Variants in C6orf89 observed in about 807,000 individuals in gnomAD.
The protein encoded by C6orf89 is chromosome 6 open reading frame 89.
Under a neutral mutation model 40.7 loss-of-function variants are expected in C6orf89, and 29 were observed. The observed-to-expected ratio is 0.71, with a 90% CI of 0.53 to 0.97. The LOEUF (loss-of-function observed/expected upper bound fraction) is 0.97. Ranked by LOEUF, C6orf89 falls within the 50% of genes least tolerant of loss-of-function variation. The pLI is 0.00. For missense variants in C6orf89, 392 were observed against 429.1 expected (o/e 0.91, Z 0.76); for synonymous variants, 165 against 152.2 (o/e 1.08, Z -0.62).
At chr6:36,876,783 C>G (rs1031857444) in intron 1 of C6orf89, among the ~76,000 whole-genome samples, 13 of 151,254 alleles carry the variant, frequency 8.6e-5, no homozygotes, top group Non-Finnish European at 2.9e-5. Context: ...TTTCCCTGAG[C>G]TCTGGTTACT....
At chr6:36,901,161 TG>T (rs1242474294) in intron 3 of C6orf89, among the ~76,000 whole-genome samples, 2 of 151,512 alleles carry the variant, frequency 1.3e-5, no homozygotes, top group Admixed American at 1.3e-4. Flanking sequence ...CTTGTATTTT[TG>T]GTAGAGGTGG....
At chr6:36,903,837 C>G (rs1210220966) in intron 4 of C6orf89, among the ~76,000 whole-genome samples, 1 of 152,018 alleles carries the variant, frequency 6.6e-6, no homozygotes, top group Non-Finnish European at 1.5e-5. Context: ...AAGAATTCCA[C>G]CTCAGGAGTT....
At chr6:36,900,700 C>T (rs11751956) in intron 3 of C6orf89, among the ~76,000 whole-genome samples, 11,763 of 151,912 alleles carry the variant, frequency 0.077, 453 homozygotes, top group South Asian at 0.1. Context: ...GGGGTTTTTC[C>T]GTGTTGTCCA....
intron 7 of C6orf89, among the ~76,000 whole-genome samples, chr6:36,918,398 T>C (rs535439311): frequency 1.0e-3 from 155 of 152,352 alleles, no homozygotes; most frequent in Middle Eastern, 3.4e-3. Context: ...TCTGCCAATA[T>C]TAGTACCAGT....
intron 1 of C6orf89, among the ~76,000 whole-genome samples, chr6:36,894,035 A>AG (rs1457555965): frequency 6.6e-6 from 1 of 151,066 alleles, no homozygotes; most frequent in African/African-American, 2.5e-5. Flanking sequence ...AAAAAAAAAA[A>AG]AAAGGAAAAA....
chr6:36,886,041 G>T lies in C6orf89; in HGVS notation c.-120+13G>T. ...GCGAGCCCCGCATGTGAGTGACTGG[G>T]GCCCGAGGCTGGGTGGGGGGAGGCC... On this transcript the variant is annotated intron_variant, in intron 1 of 8. Transcript: ENST00000480824. 8.0e-7 allele frequency: 1 copy of T among 1,251,640 alleles called. No individual in the cohort carries two copies. The highest frequency in any genetic ancestry group is 1.0e-6 in the Non-Finnish European group (1 of 995,454). The allele number at this position is 1,251,640 out of a possible 1,614,324, so 77.5% of individuals were successfully genotyped here.
At chr6:36,903,734 G>T (rs1033992216) in intron 4 of C6orf89, among the ~76,000 whole-genome samples, 1 of 152,080 alleles carries the variant, frequency 6.6e-6, no homozygotes, top group Admixed American at 6.5e-5. Context: ...CTTGGATTGG[G>T]TCTCCATCGA....
intron 6 of C6orf89, among the ~76,000 whole-genome samples, chr6:36,915,847 A>C (rs913430976): frequency 3.9e-5 from 6 of 152,204 alleles, no homozygotes; most frequent in African/African-American, 1.4e-4. Context: ...TGCGGAAGAC[A>C]TGGTTCATTC....
At chr6:36,907,631 T>C (rs1393787246) in intron 4 of C6orf89, among the ~76,000 whole-genome samples, 2 of 152,152 alleles carry the variant, frequency 1.3e-5, no homozygotes, top group Non-Finnish European at 2.9e-5. Flanking sequence ...ATAAGCTTTA[T>C]TGAACTTTTA....
chr6:36,873,913 A>T (rs11758600), intron 1 of C6orf89, among the ~76,000 whole-genome samples: 29,539 of 152,158 alleles, frequency 0.19, 3,685 homozygotes, highest in East Asian at 0.34. Flanking sequence ...TATAGCAGCA[A>T]GACGTTATTA....
At chr6:36,889,259 T>A (rs1206175509) in intron 1 of C6orf89, among the ~76,000 whole-genome samples, 1 of 152,232 alleles carries the variant, frequency 6.6e-6, no homozygotes, top group East Asian at 1.9e-4. Context: ...TCCTTCGAAC[T>A]TGGCGTTTAG....
chr6:36,888,522 T>A (rs1276780264), intron 1 of C6orf89, among the ~76,000 whole-genome samples: 1 of 152,130 alleles, frequency 6.6e-6, no homozygotes, highest in East Asian at 1.9e-4. Flanking sequence ...TACTCCCAGC[T>A]ACTCCAGAGG....
intron 2 of C6orf89, among the ~76,000 whole-genome samples, chr6:36,880,320 C>T (rs1774771718): frequency 6.6e-6 from 1 of 152,194 alleles, no homozygotes; most frequent in South Asian, 2.1e-4. Flanking sequence ...TGGCCCTGTT[C>T]CTCCAAGGAC....
intron 7 of C6orf89, 105 bp downstream of exon 7, chr6:36,916,679 G>C (rs1762335419): frequency 7.3e-7 from 1 of 1,366,724 alleles, no homozygotes; most frequent in Admixed American, 1.9e-5. Flanking sequence ...AGGGTTACAG[G>C]GTGAATTGAG....
chr6:36,872,598 T>A (rs927932910), intron 1 of C6orf89, among the ~76,000 whole-genome samples: 16 of 150,824 alleles, frequency 1.1e-4, no homozygotes, highest in African/African-American at 3.4e-4. Flanking sequence ...GACTTTAAGC[T>A]CCAAGGATGT....
At chr6:36,901,417 C>T (rs1243671782) in intron 3 of C6orf89, among the ~76,000 whole-genome samples, 1 of 138,284 alleles carries the variant, frequency 7.2e-6, no homozygotes, top group Admixed American at 7.6e-5. Context: ...TCACTGCAAG[C>T]TCCATCTCCC....
At chr6:36,922,124 G>A (rs1762531123) in intron 8 of C6orf89, among the ~76,000 whole-genome samples, 1 of 152,050 alleles carries the variant, frequency 6.6e-6, no homozygotes, top group Non-Finnish European at 1.5e-5. Flanking sequence ...ATCACCTGAG[G>A]TCAGGAGTTC....
intron 4 of C6orf89, among the ~76,000 whole-genome samples, chr6:36,913,572 G>GC (rs574675422): frequency 6.6e-6 from 1 of 152,172 alleles, no homozygotes; most frequent in East Asian, 1.9e-4. Context: ...ATCCACACCA[G>GC]CCCCCCTGTG....
At chr6:36,896,107 C>T (rs1477121467) in intron 2 of C6orf89, among the ~76,000 whole-genome samples, 1 of 152,038 alleles carries the variant, frequency 6.6e-6, no homozygotes, top group Non-Finnish European at 1.5e-5. Context: ...GTTTATTGGT[C>T]CTTTGTATAT....
Sources: allele counts gnomAD v4.1 joint callset (sites outside exome capture counted in the v4.1 genomes callset), GRCh38; gene constraint gnomAD v4.1.1; transcripts MANE v1.5; gene names NCBI Gene and HGNC (gene_info 2026-07-23, HGNC 2026-07-21).